The following B3GLCT variants were observed in gnomAD, a reference collection of about 807,000 sequenced individuals.
B3GLCT encodes the protein beta-1,3-glucosyltransferase.
A neutral mutation model predicts 63.4 loss-of-function variants in B3GLCT; 65 were observed. The ratio of observed to expected loss-of-function variants is 1.03; its 90% CI spans 0.84 to 1.26. The LOEUF (loss-of-function observed/expected upper bound fraction) is 1.26. Ranked by LOEUF, B3GLCT falls within the 50% of genes most tolerant of loss-of-function variation. The pLI is 0.00. For missense variants in B3GLCT, 577 were observed against 604.8 expected (o/e 0.95, Z 0.48); for synonymous variants, 233 against 219.2 (o/e 1.06, Z -0.55).
chr13:31,285,639 C>T (rs1464541955), intron 11 of B3GLCT, among the ~76,000 whole-genome samples: 4 of 136,530 alleles, frequency 2.9e-5, no homozygotes, highest in Admixed American at 7.4e-5. Flanking sequence ...AAGTAGCAAA[C>T]TGATTATGTT....
chr13:31,317,576 C>A lies in B3GLCT; in HGVS notation c.1075C>A (p.Leu359Ile). 1 of 1,614,022 alleles carries A rather than the reference C, an allele frequency of 6.2e-7. No homozygotes were observed. Among genetic ancestry groups the A allele is most frequent in the Non-Finnish European group, 8.5e-7 (1 of 1,179,952 alleles). ...DDDTLISISRLQHLLSCYDSG... is the reference protein window; with the variant it reads ...DDDTLISISRIQHLLSCYDSG... ...CCTTTGGCATCTCAGTATCTCCAGGCTCCAGCACTTGCTTAGCTGTTATGA... is the reference window on the plus strand; with the variant it reads ...CCTTTGGCATCTCAGTATCTCCAGGATCCAGCACTTGCTTAGCTGTTATGA... The change falls in exon 13 of 15, where the codon CTC (leucine) becomes ATC (isoleucine). Residue 359 changes from leucine to isoleucine, a missense_variant. Physicochemically the swap from Leu to Ile is conservative, Grantham distance 5 (BLOSUM62 2). Coordinates refer to ENST00000343307, the MANE Select transcript of B3GLCT (RefSeq NM_194318.4).
At chr13:31,216,947 A>G (rs1289776113) in intron 2 of B3GLCT, among the ~76,000 whole-genome samples, 3 of 152,330 alleles carry the variant, frequency 2.0e-5, no homozygotes, top group South Asian at 2.1e-4. Flanking sequence ...AACAATTTAT[A>G]TTCCTTTGGG....
intron 12 of B3GLCT, among the ~76,000 whole-genome samples, chr13:31,316,428 T>TATATATATAA: frequency 8.5e-6 from 1 of 117,234 alleles, no homozygotes; most frequent in African/African-American, 3.2e-5. Context: ...TATATATATA[T>TATATATATAA]ATAAATTTTT....
At chr13:31,280,360 G>A (rs575373171) in intron 10 of B3GLCT, among the ~76,000 whole-genome samples, 36 of 152,264 alleles carry the variant, frequency 2.4e-4, no homozygotes, top group African/African-American at 7.9e-4. Context: ...CGGTCCCTCC[G>A]TTTGGGGTCC....
In B3GLCT at chr13:31,200,049, C is replaced by T. The variant is rs760425381; in HGVS notation, c.-36C>T. On this transcript the variant is annotated 5_prime_UTR_variant, in exon 1 of 15. Coordinates refer to ENST00000343307, the MANE Select transcript of B3GLCT (RefSeq NM_194318.4). ...CCGCTCCCCGCGCGTCTCCCTTCCCCGCGCCCAGGTAGGGCGCTCAGCCTC... is the reference window on the plus strand; with the variant it reads ...CCGCTCCCCGCGCGTCTCCCTTCCCTGCGCCCAGGTAGGGCGCTCAGCCTC... 20 of 1,310,980 alleles carry T rather than the reference C, an allele frequency of 1.5e-5. No homozygotes were observed. The highest frequency in any genetic ancestry group is 4.6e-5 in the African/African-American group (3 of 64,628). The allele number at this position is 1,310,980 out of a possible 1,614,324, so 81.2% of individuals were successfully genotyped here. A position where few individuals can be genotyped will look rare whatever the true frequency, so the allele number is the denominator to read the frequency against.
chr13:31,259,121 TGTA>T (rs2137827050), intron 6 of B3GLCT, among the ~76,000 whole-genome samples: 1 of 152,362 alleles, frequency 6.6e-6, no homozygotes, highest in African/African-American at 2.4e-5. Context: ...GTTTATAAAT[TGTA>T]GTTCTTTGGT....
At chr13:31,312,527 T>G (rs1401601485) in intron 12 of B3GLCT, 2 of 152,156 alleles carry the variant, frequency 1.3e-5, no homozygotes, top group Non-Finnish European at 2.9e-5. Flanking sequence ...ACAACAAGAA[T>G]GTGGAAACAA....
chr13:31,244,528 A>G (rs1021660682), intron 4 of B3GLCT, among the ~76,000 whole-genome samples: 5 of 152,160 alleles, frequency 3.3e-5, no homozygotes, highest in African/African-American at 1.2e-4. Flanking sequence ...TGAATCTAAA[A>G]ATGGTATCAT....
intron 6 of B3GLCT, among the ~76,000 whole-genome samples, chr13:31,258,159 T>C (rs1219430488): frequency 3.9e-5 from 6 of 152,198 alleles, no homozygotes; most frequent in Admixed American, 3.9e-4. Context: ...AGCCATGTAC[T>C]CTCTTATGTT....
At chr13:31,224,972 T>C (rs987131825) in intron 3 of B3GLCT, among the ~76,000 whole-genome samples, 2 of 152,220 alleles carry the variant, frequency 1.3e-5, no homozygotes, top group Admixed American at 6.5e-5. Context: ...TCTGCTTTCA[T>C]AGAAGAATCA....
intron 12 of B3GLCT, among the ~76,000 whole-genome samples, chr13:31,316,963 G>A (rs1593317937): frequency 6.6e-6 from 1 of 152,106 alleles, no homozygotes; most frequent in Non-Finnish European, 1.5e-5. Flanking sequence ...AAAAGTATAA[G>A]CAATTAGACA....
chr13:31,248,824 T>G (rs932218911), intron 6 of B3GLCT, among the ~76,000 whole-genome samples: 1 of 152,228 alleles, frequency 6.6e-6, no homozygotes, highest in African/African-American at 2.4e-5. Context: ...CAGTGAATAT[T>G]TGCGAATGAC....
At chr13:31,284,831 G>T in intron 11 of B3GLCT, 70 bp downstream of exon 11, 2 of 954,410 alleles carry the variant, frequency 2.1e-6, no homozygotes. Flanking sequence ...ATTAGGTTAG[G>T]ATAAAAATGA....
intron 10 of B3GLCT, among the ~76,000 whole-genome samples, chr13:31,282,074 T>C (rs1267286222): frequency 6.6e-6 from 1 of 152,200 alleles, no homozygotes; most frequent in African/African-American, 2.4e-5. Context: ...TTCACTATTA[T>C]TATAGGAAGT....
intron 1 of B3GLCT, among the ~76,000 whole-genome samples, chr13:31,214,037 G>C (rs1244527240): frequency 6.6e-6 from 1 of 152,164 alleles, no homozygotes; most frequent in Non-Finnish European, 1.5e-5. Flanking sequence ...CTGGGGGTGG[G>C]GATGGGGAGG....
intron 2 of B3GLCT, among the ~76,000 whole-genome samples, chr13:31,220,914 G>A (rs180709501): frequency 6.6e-6 from 1 of 152,312 alleles, no homozygotes; most frequent in East Asian, 1.9e-4. Flanking sequence ...TTAACTTGTT[G>A]ATGAAGGTGA....
At chr13:31,217,539 C>A (rs11617211) in intron 2 of B3GLCT, among the ~76,000 whole-genome samples, 4 of 152,114 alleles carry the variant, frequency 2.6e-5, no homozygotes, top group Admixed American at 6.5e-5. Flanking sequence ...GATGGTATTT[C>A]CTATGTTTTC....
At chr13:31,317,709 C>G in intron 13 of B3GLCT, 24 bp downstream of exon 13, 1 of 1,613,540 alleles carries the variant, frequency 6.2e-7, no homozygotes, top group Non-Finnish European at 8.5e-7. Context: ...CAGCTTTCTT[C>G]AACTACTTTA....
intron 6 of B3GLCT, among the ~76,000 whole-genome samples, chr13:31,259,872 A>C (rs1237336329): frequency 6.6e-6 from 1 of 151,662 alleles, no homozygotes; most frequent in Admixed American, 6.6e-5. Context: ...TTTAGGGTAC[A>C]TGTGTACAAC....
Sources: gnomAD v4.1 joint callset for allele counts (sites outside exome capture counted in the v4.1 genomes callset) on GRCh38, gnomAD v4.1.1 for gene constraint, MANE v1.5 for transcripts, NCBI Gene and HGNC (gene_info 2026-07-23, HGNC 2026-07-21) for gene names.